FHIP1A: variants seen among roughly 807,000 people sequenced by gnomAD.
FHIP1A encodes the protein FHF complex subunit HOOK-interacting protein 1A.
A neutral mutation model predicts 88.6 loss-of-function variants in FHIP1A; 61 were observed. The ratio of observed to expected loss-of-function variants is 0.69; its 90% CI spans 0.56 to 0.85. The LOEUF (loss-of-function observed/expected upper bound fraction) is 0.85. Ranked by LOEUF, FHIP1A falls within the 40% of genes least tolerant of loss-of-function variation. FHIP1A has a pLI of 0.00. For missense variants in FHIP1A, 1,154 were observed against 1,273.5 expected (o/e 0.91, Z 1.43); for synonymous variants, 478 against 496.0 (o/e 0.96, Z 0.48).
intron 7 of FHIP1A, among the ~76,000 whole-genome samples, chr4:151,614,172 A>C (rs538732930): frequency 6.6e-6 from 1 of 151,330 alleles, no homozygotes; most frequent in Non-Finnish European, 1.5e-5. Flanking sequence ...CAAAAAAAAA[A>C]AAAAAGTTTT....
intron 4 of FHIP1A, among the ~76,000 whole-genome samples, chr4:151,569,306 C>T (rs1004057334): frequency 6.6e-6 from 1 of 152,196 alleles, no homozygotes. Context: ...GTAATCCCAG[C>T]ACTTTGGAAG....
intron 1 of FHIP1A, among the ~76,000 whole-genome samples, chr4:151,449,076 G>A (rs1728706035): frequency 1.3e-5 from 2 of 152,128 alleles, no homozygotes; most frequent in Non-Finnish European, 2.9e-5. Flanking sequence ...CAACTAGACT[G>A]TAAACTTGAG....
At chr4:151,458,972 A>G (rs1455962190) in intron 2 of FHIP1A, among the ~76,000 whole-genome samples, 2 of 152,182 alleles carry the variant, frequency 1.3e-5, no homozygotes, top group African/African-American at 4.8e-5. Flanking sequence ...TGCTGTTAAC[A>G]TAGCACCTTT....
chr4:151,608,037 C>CTTTTTTTTTTTTTTTTTTTTTTT lies in FHIP1A; in HGVS notation c.978+19114_978+19136dup, dbSNP rs376335318. On this transcript the variant is annotated intron_variant, in intron 7 of 13. Transcript: ENST00000435205. ...TTTTCTTTTCTTTTTCTTTCTTCTT[C>CTTTTTTTTTTTTTTTTTTTTTTT]TTTTTTTTTTTTTTTTTTTTTTTTT... 8.6e-4 allele frequency among the ~76,000 whole-genome samples: 58 copies of CTTTTTTTTTTTTTTTTTTTTTTT among 67,142 alleles called. 1 individual carries two copies. Among genetic ancestry groups the CTTTTTTTTTTTTTTTTTTTTTTT allele is most frequent in the Non-Finnish European group, 1.2e-3 (45 of 36,078 alleles). The allele number at this position is 67,142 out of a possible 152,430, so 44.0% of individuals were successfully genotyped here.
At position 151,664,443 on chromosome 4, in the gene FHIP1A, G is replaced by A. The variant is rs1238685081; in HGVS notation, c.*1689G>A. Among the ~76,000 whole-genome samples the A allele has an allele frequency of 1.3e-5, 2 of 152,236 alleles. No homozygotes were observed. Among genetic ancestry groups the A allele is most frequent in the African/African-American group, 4.8e-5 (2 of 41,470 alleles). On this transcript the variant is annotated 3_prime_UTR_variant, in exon 14 of 14. Transcript: ENST00000435205. ...CTGGCCTGGGCAGGGTGAGCTGTTA[G>A]GAGCCAGCCTTGCTTTCGTGTTTCA... is the stretch of plus-strand genomic sequence containing the variant.
chr4:151,576,124 GT>G, intron 4 of FHIP1A, among the ~76,000 whole-genome samples: 1 of 152,318 alleles, frequency 6.6e-6, no homozygotes, highest in East Asian at 1.9e-4. Context: ...GATTGTTTTA[GT>G]TTCCAGGTCG....
At chr4:151,575,128 T>G (rs1192540847) in intron 4 of FHIP1A, among the ~76,000 whole-genome samples, 2 of 152,192 alleles carry the variant, frequency 1.3e-5, no homozygotes, top group African/African-American at 4.8e-5. Flanking sequence ...TTAGATAGTT[T>G]AGACAGTCTG....
chr4:151,577,621 G>A lies in FHIP1A; in HGVS notation c.277G>A (p.Val93Ile). 3 of 1,551,856 alleles carry A rather than the reference G, an allele frequency of 1.9e-6. No homozygotes were observed. The highest frequency in any genetic ancestry group is 2.6e-6 in the Non-Finnish European group (3 of 1,147,016). The change falls in exon 5 of 14, where the codon GTC becomes ATC. Residue 93 changes from valine to isoleucine, a missense_variant. Physicochemically the swap from Val to Ile is conservative, Grantham distance 29 (BLOSUM62 3). Coordinates refer to ENST00000435205, the MANE Select transcript of FHIP1A (RefSeq NM_001109977.3). The stretch of plus-strand genomic sequence containing the variant: ...AATGGGGCCGATTCTGGAATTTGTG[G>A]TCTCTGAGAACATCATGGAGAAACT... The part of the protein sequence containing the change: ...AAMGPILEFV[V>I]SENIMEKLFL...
chr4:151,413,666 G>T (rs963505269), intron 1 of FHIP1A, among the ~76,000 whole-genome samples: 4 of 151,992 alleles, frequency 2.6e-5, no homozygotes, highest in African/African-American at 9.7e-5. Flanking sequence ...TGTTGGCCAG[G>T]CTGGTCTCGA....
intron 4 of FHIP1A, among the ~76,000 whole-genome samples, chr4:151,569,778 A>G (rs368683502): frequency 2.6e-5 from 4 of 152,170 alleles, no homozygotes; most frequent in Non-Finnish European, 5.9e-5. Context: ...GCAGCTAGTT[A>G]TACAACCAGC....
intron 7 of FHIP1A, among the ~76,000 whole-genome samples, chr4:151,597,416 G>T (rs1734692096): frequency 1.3e-5 from 2 of 152,118 alleles, no homozygotes; most frequent in African/African-American, 2.4e-5. Context: ...GTCCCAGAGG[G>T]TCACCCGCCA....
intron 7 of FHIP1A, among the ~76,000 whole-genome samples, chr4:151,591,523 A>G (rs182473194): frequency 2.6e-5 from 4 of 152,168 alleles, no homozygotes; most frequent in Non-Finnish European, 4.4e-5. Flanking sequence ...TTACATATGT[A>G]TACACGTGCC....
chr4:151,578,779 C>T (rs1198678737), intron 5 of FHIP1A, among the ~76,000 whole-genome samples: 1 of 152,150 alleles, frequency 6.6e-6, no homozygotes, highest in Non-Finnish European at 1.5e-5. Context: ...CTTATGTCCA[C>T]CCAAAAACCT....
chr4:151,617,811 G>A (rs1012941429), intron 7 of FHIP1A, among the ~76,000 whole-genome samples: 30 of 152,118 alleles, frequency 2.0e-4, no homozygotes, highest in African/African-American at 5.8e-4. Context: ...ACTTGAAACC[G>A]GGAGGTGGAG....
chr4:151,493,619 C>T (rs779664758), intron 3 of FHIP1A, among the ~76,000 whole-genome samples: 5 of 152,086 alleles, frequency 3.3e-5, no homozygotes, highest in Admixed American at 6.5e-5. Flanking sequence ...AAAAAGATAA[C>T]GTACCATGAT....
intron 4 of FHIP1A, among the ~76,000 whole-genome samples, chr4:151,566,786 C>T (rs1056804211): frequency 6.6e-6 from 1 of 152,078 alleles, no homozygotes; most frequent in Non-Finnish European, 1.5e-5. Flanking sequence ...ACTTCAAATG[C>T]CTTATGTCAT....
intron 5 of FHIP1A, among the ~76,000 whole-genome samples, chr4:151,581,047 CAG>C (rs1032828025): frequency 6.6e-6 from 1 of 152,132 alleles, no homozygotes; most frequent in African/African-American, 2.4e-5. Flanking sequence ...TTAGTAGAGA[CAG>C]AGTTTTACCA....
chr4:151,600,486 A>G (rs1479428656), intron 7 of FHIP1A, among the ~76,000 whole-genome samples: 2 of 152,228 alleles, frequency 1.3e-5, no homozygotes, highest in Non-Finnish European at 2.9e-5. Flanking sequence ...AGGGGAGCTT[A>G]GTAAGTGGAC....
chr4:151,615,789 CAG>C (rs1026065904), intron 7 of FHIP1A, among the ~76,000 whole-genome samples: 5 of 152,048 alleles, frequency 3.3e-5, no homozygotes, highest in African/African-American at 1.2e-4. Context: ...ACAGTGTGGA[CAG>C]GGGGTTAGTA....
Sources: allele counts gnomAD v4.1 joint callset (sites outside exome capture counted in the v4.1 genomes callset), GRCh38; gene constraint gnomAD v4.1.1; transcripts MANE v1.5; gene names NCBI Gene and HGNC (gene_info 2026-07-23, HGNC 2026-07-21).